The following TRMT9B variants were observed in gnomAD, a reference collection of about 807,000 sequenced individuals.
The protein encoded by TRMT9B is probable tRNA methyltransferase 9B.
In TRMT9B, 16 loss-of-function variants were observed where a neutral mutation model predicts 11.5. The observed-to-expected ratio is 1.39, with a 90% confidence interval of 0.94 to 2.11. The LOEUF is 2.11. Ranked by LOEUF, TRMT9B falls within the 30% of genes most tolerant of loss-of-function variation. The pLI is 0.00. For synonymous variants in TRMT9B, 274 were observed against 192.4 expected (o/e 1.42, Z -3.51); for missense variants, 941 against 553.8 (o/e 1.70, Z -7.02).
At chr8:12,966,050 G>A (rs1047221226) in intron 1 of TRMT9B, among the ~76,000 whole-genome samples, 1 of 151,486 alleles carries the variant, frequency 6.6e-6, no homozygotes, top group Non-Finnish European at 1.5e-5. Flanking sequence ...CCATGGCCAG[G>A]CATGGTGATG....
chr8:13,021,722 A>T lies in TRMT9B; in HGVS notation c.1043A>T (p.Asn348Ile). 2.5e-6 allele frequency: 4 copies of T among 1,613,906 alleles called. No homozygotes were observed. Among genetic ancestry groups the T allele is most frequent in the Non-Finnish European group, 3.4e-6 (4 of 1,179,866 alleles). The change falls in exon 5 of 5, where the codon AAT (asparagine) becomes ATT (isoleucine). Residue 348 changes from asparagine to isoleucine, a missense_variant. Coordinates refer to ENST00000524591, the MANE Select transcript of TRMT9B (RefSeq NM_020844.3). ...GAAATGAGGAGAAATGGAGGGGGAAATTTTCTGGATAGCACTAATACTGGT... is the reference window on the plus strand; with the variant it reads ...GAAATGAGGAGAAATGGAGGGGGAATTTTTCTGGATAGCACTAATACTGGT... ...QGEMRRNGGG[N>I]FLDSTNTGVN...
At chr8:12,992,778 A>C (rs961358782) in intron 2 of TRMT9B, among the ~76,000 whole-genome samples, 39 of 152,200 alleles carry the variant, frequency 2.6e-4, no homozygotes, top group Admixed American at 2.0e-3. Flanking sequence ...CTGAGGCAGG[A>C]GAATTGCTTG....
intron 1 of TRMT9B, among the ~76,000 whole-genome samples, chr8:12,979,592 G>A (rs1208601488): frequency 1.3e-5 from 2 of 152,126 alleles, no homozygotes; most frequent in Non-Finnish European, 2.9e-5. Flanking sequence ...CAGTGAGAAC[G>A]ATGTTAACTC....
At chr8:13,008,658 A>G (rs71522322) in intron 3 of TRMT9B, among the ~76,000 whole-genome samples, 7,477 of 152,336 alleles carry the variant, frequency 0.049, 232 homozygotes, top group South Asian at 0.091. Flanking sequence ...AGACAGACAT[A>G]CAATTCAAGT....
intron 3 of TRMT9B, chr8:13,011,051 C>T (rs1811515126): frequency 3.8e-6 from 2 of 520,996 alleles, no homozygotes; most frequent in South Asian, 8.7e-5. Context: ...GTGATGCTAC[C>T]CCAGCTCACT....
At position 12,968,457 on chromosome 8, in the gene TRMT9B, G is replaced by A. The variant is rs139565542; in HGVS notation, c.-199-22377G>A. 4.0e-3 allele frequency among the ~76,000 whole-genome samples: 603 copies of A among 152,242 alleles called. 2 individuals carry two copies. The highest frequency in any genetic ancestry group is 0.014 in the African/African-American group (584 of 41,532). ...AGTGACAGACATTTTAGCAATTTCT[G>A]GTATATTTGTTGTGAAGAGCTACAT... On this transcript the variant is annotated intron_variant, in intron 1 of 4. Transcript: ENST00000524591.
At chr8:12,975,797 C>T (rs922275162) in intron 1 of TRMT9B, among the ~76,000 whole-genome samples, 4 of 151,944 alleles carry the variant, frequency 2.6e-5, no homozygotes, top group African/African-American at 9.7e-5. Flanking sequence ...TATTTGGGGG[C>T]ATTCATTCCT....
intron 1 of TRMT9B, chr8:12,951,531 A>C (rs1800612100): frequency 6.6e-6 from 1 of 152,110 alleles, no homozygotes; most frequent in African/African-American, 2.4e-5. Context: ...GGCGCGGCCC[A>C]GCCTCACTTC....
At chr8:12,957,471 A>T (rs914663648) in intron 1 of TRMT9B, among the ~76,000 whole-genome samples, 6 of 2,958 alleles carry the variant, frequency 2.0e-3, no homozygotes, top group African/African-American at 7.4e-3. Flanking sequence ...TAGAGTAATT[A>T]AAAAAATACA....
intron 4 of TRMT9B, among the ~76,000 whole-genome samples, chr8:13,016,200 ATT>A (rs1281996315): frequency 1.4e-5 from 2 of 142,974 alleles, no homozygotes; most frequent in East Asian, 2.0e-4. Context: ...TGAAATATAT[ATT>A]TATATATATA....
chr8:12,959,202 C>T (rs373551647), intron 1 of TRMT9B, among the ~76,000 whole-genome samples: 1 of 152,096 alleles, frequency 6.6e-6, no homozygotes, highest in Non-Finnish European at 1.5e-5. Flanking sequence ...CCTTGGGCAT[C>T]CCTAACCTGA....
At chr8:13,019,595 G>A (rs966061818) in intron 4 of TRMT9B, among the ~76,000 whole-genome samples, 2 of 152,132 alleles carry the variant, frequency 1.3e-5, no homozygotes, top group Admixed American at 6.6e-5. Context: ...CACACAGCAC[G>A]GGAGATATTA....
intron 3 of TRMT9B, chr8:13,006,608 T>TA: frequency 7.2e-7 from 1 of 1,389,366 alleles, no homozygotes; most frequent in Non-Finnish European, 9.3e-7. Flanking sequence ...ATATTCATTT[T>TA]ACAGCAGAAA....
At chr8:13,004,666 AC>A (rs1810089246) in intron 2 of TRMT9B, among the ~76,000 whole-genome samples, 1 of 151,966 alleles carries the variant, frequency 6.6e-6, no homozygotes, top group Non-Finnish European at 1.5e-5. Context: ...CAGCGGTGAT[AC>A]CCAAGTAATA....
intron 1 of TRMT9B, among the ~76,000 whole-genome samples, chr8:12,949,027 A>G (rs1020489253): frequency 4.6e-5 from 7 of 152,366 alleles, no homozygotes; most frequent in African/African-American, 1.7e-4. Context: ...ATTTCTGTTG[A>G]GACTATGGCC....
chr8:13,022,297 C>T lies in TRMT9B; in HGVS notation c.*253C>T, dbSNP rs894242406. 7 of 390,234 alleles carry T rather than the reference C, an allele frequency of 1.8e-5. No individual in the cohort carries two copies. The highest frequency in any genetic ancestry group is 2.8e-5 in the Non-Finnish European group (6 of 211,916). The allele number at this position is 390,234 out of a possible 1,614,324, so 24.2% of individuals were successfully genotyped here. A position where few individuals can be genotyped will look rare whatever the true frequency, so the allele number is the denominator to read the frequency against. On this transcript the variant is annotated 3_prime_UTR_variant, in exon 5 of 5. Transcript: ENST00000524591. ...ATCTGAAGAAGCAACAGAAAGTACC[C>T]TTCAGTACACCTCAGACTTTTTTTT... is the stretch of plus-strand genomic sequence containing the variant.
chr8:13,023,213 G>A lies in TRMT9B; in HGVS notation c.*1169G>A, dbSNP rs997769576. On this transcript the variant is annotated 3_prime_UTR_variant, in exon 5 of 5. Transcript: ENST00000524591. Reference sequence around the variant, plus strand: ...TTGACTAATGATGAGTCTGCATCAAGAACTAGGCATTTCTTCTGAGTTGAC... The same window carrying A: ...TTGACTAATGATGAGTCTGCATCAAAAACTAGGCATTTCTTCTGAGTTGAC... 1.8e-5 allele frequency: 3 copies of A among 167,192 alleles called. No homozygotes were observed. In the Admixed American group the frequency reaches 2.0e-4, roughly 11 times the overall value. 10.4% of individuals were successfully genotyped at this position (167,192 alleles called of 1,614,324 possible). A position where few individuals can be genotyped will look rare whatever the true frequency, so the allele number is the denominator to read the frequency against.
chr8:12,993,828 T>C (rs1720600092), intron 2 of TRMT9B, among the ~76,000 whole-genome samples: 1 of 152,262 alleles, frequency 6.6e-6, no homozygotes, highest in Non-Finnish European at 1.5e-5. Flanking sequence ...TGTAATACTT[T>C]AGTCCTTTGG....
At chr8:12,987,404 A>T (rs1411581100) in intron 1 of TRMT9B, among the ~76,000 whole-genome samples, 1 of 152,138 alleles carries the variant, frequency 6.6e-6, no homozygotes, top group African/African-American at 2.4e-5. Flanking sequence ...TCAAAAATGC[A>T]CTTAGGCCTG....
Sources: allele counts gnomAD v4.1 joint callset (sites outside exome capture counted in the v4.1 genomes callset), GRCh38; gene constraint gnomAD v4.1.1; transcripts MANE v1.5; gene names NCBI Gene and HGNC (gene_info 2026-07-23, HGNC 2026-07-21).